Variants in STAU2 observed in about 807,000 individuals in gnomAD.
The protein encoded by STAU2 is staufen double-stranded RNA binding protein 2.
In STAU2, 20 loss-of-function variants were observed where a neutral mutation model predicts 65.9. That is an observed-to-expected ratio of 0.30 (90% CI 0.21 to 0.44). The LOEUF (loss-of-function observed/expected upper bound fraction) is 0.44, where lower values mean the gene tolerates loss of function less well. STAU2 is among the 20% of genes least tolerant of loss of function. The pLI, the probability that STAU2 is intolerant of heterozygous loss-of-function variation, is 1.00. For missense variants in STAU2, 558 were observed against 683.9 expected, an observed-to-expected ratio of 0.82 and a Z score of 2.05; for synonymous variants, 232 against 233.9, an observed-to-expected ratio of 0.99 and a Z score of 0.07.
chr8:73,518,796 G>T (rs989728576), intron 13 of STAU2, among the ~76,000 whole-genome samples: 3 of 151,942 alleles, frequency 2.0e-5, no homozygotes, highest in Admixed American at 6.6e-5. Flanking sequence ...TTTTGTTTAA[G>T]ATATGATTAA....
intron 13 of STAU2, among the ~76,000 whole-genome samples, chr8:73,435,810 C>T (rs1023912045): frequency 1.3e-5 from 2 of 151,908 alleles, no homozygotes; most frequent in African/African-American, 4.9e-5. Flanking sequence ...GAAACCTTAT[C>T]TGGGAGGACT....
chr8:73,463,257 A>AT (rs796315222), intron 13 of STAU2, among the ~76,000 whole-genome samples: 8 of 152,348 alleles, frequency 5.3e-5, no homozygotes, highest in African/African-American at 1.7e-4. Flanking sequence ...GGCAACATGC[A>AT]TGTGCTGGAC....
At chr8:73,540,583 C>T (rs1040048249) in intron 13 of STAU2, among the ~76,000 whole-genome samples, 1 of 152,074 alleles carries the variant, frequency 6.6e-6, no homozygotes, top group African/African-American at 2.4e-5. Context: ...GTCAAGTTTA[C>T]CAGTTAGTAA....
At chr8:73,675,433 ATTAC>A (rs1817971737) in intron 5 of STAU2, 1 of 151,852 alleles carries the variant, frequency 6.6e-6, no homozygotes, top group Admixed American at 6.6e-5. Context: ...GAAAATACTT[ATTAC>A]TTACTATTCA....
chr8:73,595,038 CATCT>C (rs2128970439), intron 11 of STAU2, 124 bp downstream of exon 11: 1 of 646,016 alleles, frequency 1.5e-6, no homozygotes, highest in Non-Finnish European at 2.5e-6. Flanking sequence ...GTGCTTGGAT[CATCT>C]ATCTTTGTAT....
chr8:73,596,261 C>T (rs1291091377), intron 10 of STAU2, among the ~76,000 whole-genome samples: 1 of 152,094 alleles, frequency 6.6e-6, no homozygotes, highest in Admixed American at 6.6e-5. Context: ...AACTACTGCA[C>T]AATGTTGCTT....
At chr8:73,586,049 C>A (rs964502703) in intron 11 of STAU2, among the ~76,000 whole-genome samples, 2 of 152,192 alleles carry the variant, frequency 1.3e-5, no homozygotes, top group African/African-American at 2.4e-5. Context: ...GTCAATTAAA[C>A]CTCTTCCTTT....
intron 13 of STAU2, among the ~76,000 whole-genome samples, chr8:73,498,388 G>A (rs2128918805): frequency 6.6e-6 from 1 of 151,918 alleles, no homozygotes; most frequent in South Asian, 2.1e-4. Flanking sequence ...GTCTACATGT[G>A]TGTATACACT....
At chr8:73,518,378 A>G (rs1442881856) in intron 13 of STAU2, among the ~76,000 whole-genome samples, 1 of 152,218 alleles carries the variant, frequency 6.6e-6, no homozygotes, top group African/African-American at 2.4e-5. Flanking sequence ...CCTAGGATTG[A>G]ACTAGCAAAC....
intron 12 of STAU2, among the ~76,000 whole-genome samples, chr8:73,557,110 T>C (rs1422911440): frequency 1.3e-5 from 2 of 152,224 alleles, no homozygotes; most frequent in Non-Finnish European, 2.9e-5. Context: ...ACTTCAGTAT[T>C]GTTATTATAC....
chr8:73,571,969 T>C (rs1219010474), intron 12 of STAU2, among the ~76,000 whole-genome samples: 2 of 152,260 alleles, frequency 1.3e-5, no homozygotes, highest in Middle Eastern at 3.4e-3. Flanking sequence ...GAAGCGGTTT[T>C]TTGAAAAGAT....
At chr8:73,440,973 C>G (rs1388220649) in intron 13 of STAU2, 1 of 152,164 alleles carries the variant, frequency 6.6e-6, no homozygotes, top group Non-Finnish European at 1.5e-5. Context: ...GAATTCACTC[C>G]TGTCTCAAGG....
At chr8:73,649,135 G>A (rs1232024531) in intron 6 of STAU2, among the ~76,000 whole-genome samples, 1 of 152,148 alleles carries the variant, frequency 6.6e-6, no homozygotes, top group Non-Finnish European at 1.5e-5. Context: ...GTTTCTAAAG[G>A]CATCAAGCCA....
intron 11 of STAU2, among the ~76,000 whole-genome samples, chr8:73,585,110 T>G (rs1267498138): frequency 6.6e-6 from 1 of 152,224 alleles, no homozygotes; most frequent in Non-Finnish European, 1.5e-5. Context: ...GTTTTTCATT[T>G]TTAATAAGTG....
At chr8:73,575,891 A>G (rs900696389) in intron 12 of STAU2, among the ~76,000 whole-genome samples, 1 of 152,078 alleles carries the variant, frequency 6.6e-6, no homozygotes, top group African/African-American at 2.4e-5. Context: ...AAATACGGAG[A>G]GCTGTTTTGC....
chr8:73,742,610 A>G (rs1357118868), intron 1 of STAU2, among the ~76,000 whole-genome samples: 4 of 152,008 alleles, frequency 2.6e-5, no homozygotes, highest in African/African-American at 9.7e-5. Context: ...AATTACAACT[A>G]AGCGCTTTTA....
intron 6 of STAU2, among the ~76,000 whole-genome samples, chr8:73,656,737 C>T (rs1157673670): frequency 1.3e-5 from 2 of 152,176 alleles, no homozygotes; most frequent in Non-Finnish European, 2.9e-5. Context: ...GGTAAACACC[C>T]GCTGTCAACC....
intron 6 of STAU2, among the ~76,000 whole-genome samples, chr8:73,662,511 G>A (rs1019684979): frequency 3.9e-5 from 6 of 152,124 alleles, no homozygotes; most frequent in Middle Eastern, 3.4e-3. Context: ...ATTTTCTTCT[G>A]GAAATTTTAC....
intron 13 of STAU2, 174 bp downstream of exon 13, chr8:73,551,838 A>G: frequency 7.8e-7 from 1 of 1,281,286 alleles, no homozygotes; most frequent in Non-Finnish European, 9.9e-7. Context: ...AATAAGAGAA[A>G]ATGAGGCATG....
Sources: gnomAD v4.1 joint callset for allele counts (sites outside exome capture counted in the v4.1 genomes callset) on GRCh38, gnomAD v4.1.1 for gene constraint, MANE v1.5 for transcripts, NCBI Gene and HGNC (gene_info 2026-07-23, HGNC 2026-07-21) for gene names.